RASA3: variants seen among roughly 807,000 people sequenced by gnomAD.
RASA3 encodes ras GTPase-activating protein 3.
In RASA3, 73 loss-of-function variants were observed where a neutral mutation model predicts 110.0. The ratio of observed to expected loss-of-function variants is 0.66; its 90% CI spans 0.55 to 0.81. RASA3 has a LOEUF of 0.81. Among genes scored for constraint, RASA3 ranks in the 30% least tolerant of loss-of-function variants. RASA3 has a pLI of 0.00. For synonymous variants in RASA3, 500 were observed against 451.4 expected, an observed-to-expected ratio of 1.11 and a Z score of -1.37; for missense variants, 976 against 1,113.2, an observed-to-expected ratio of 0.88 and a Z score of 1.75.
Position 114,111,025 on chromosome 13 carries a change from C to T in RASA3, c.55+21410G>A, listed in dbSNP as rs112348829. 9.5e-3 allele frequency among the ~76,000 whole-genome samples: 1,355 copies of T among 142,650 alleles called. 64 individuals are homozygous for T. The highest frequency in any genetic ancestry group is 0.049 in the Middle Eastern group (14 of 286). 93.6% of individuals were successfully genotyped at this position (142,650 alleles called of 152,430 possible). A position where few individuals can be genotyped will look rare whatever the true frequency, so the allele number is the denominator to read the frequency against. ...AAAAACCTAAAACTGCAACATGGAA[C>T]GGCACAAACGAGCTGCAGGCCGAGT... On this transcript the variant is annotated intron_variant, in intron 1 of 23. Coordinates refer to ENST00000334062, the MANE Select transcript of RASA3 (RefSeq NM_007368.4).
At chr13:114,016,357 G>T in intron 12 of RASA3, 86 bp from the exon 13 acceptor site, 1 of 1,018,904 alleles carries the variant, frequency 9.8e-7, no homozygotes. Context: ...GCCTGGCTGA[G>T]ATGTAGACCC....
chr13:114,027,256 GC>G (rs1163123113), intron 7 of RASA3, 132 bp downstream of exon 7: 35 of 806,344 alleles, frequency 4.3e-5, no homozygotes, highest in Non-Finnish European at 5.7e-5. Context: ...CCCAGGGCCG[GC>G]TGGCGGGGCT....
rs759570923 is a variant in RASA3, at chr13:113,979,004, C to T, written c.*343G>A. The T allele has an allele frequency of 5.8e-6, 2 of 342,618 alleles. No homozygotes were observed. Among genetic ancestry groups the T allele is most frequent in the Non-Finnish European group, 5.5e-6 (1 of 181,596 alleles). The allele number at this position is 342,618 out of a possible 1,614,324, so 21.2% of individuals were successfully genotyped here. On this transcript the variant is annotated 3_prime_UTR_variant, in exon 24 of 24. Coordinates refer to ENST00000334062, the MANE Select transcript of RASA3 (RefSeq NM_007368.4). Reference sequence around the variant, plus strand: ...CACGGCCGGAGGTGCATGTCACAGTCGACTAGACGGGCCGTGGCTCCCTGA... The same window carrying T: ...CACGGCCGGAGGTGCATGTCACAGTTGACTAGACGGGCCGTGGCTCCCTGA...
chr13:114,017,373 A>G (rs2053817672), intron 11 of RASA3, 22 bp from the exon 12 acceptor site: 2 of 1,593,036 alleles, frequency 1.3e-6, no homozygotes, highest in Non-Finnish European at 8.6e-7. Context: ...CGATGGGGAC[A>G]GCGTTTGTCT....
chr13:114,035,236 T>G (rs924490875), intron 4 of RASA3, among the ~76,000 whole-genome samples: 1 of 152,240 alleles, frequency 6.6e-6, no homozygotes, highest in Non-Finnish European at 1.5e-5. Context: ...CAAACCAGGC[T>G]ACTAAGAGCA....
intron 18 of RASA3, among the ~76,000 whole-genome samples, chr13:114,005,165 T>C (rs2053487039): frequency 6.6e-6 from 1 of 152,192 alleles, no homozygotes; most frequent in Non-Finnish European, 1.5e-5. Context: ...AATTACTCAG[T>C]GGGCACAAAG....
intron 1 of RASA3, among the ~76,000 whole-genome samples, chr13:114,099,462 G>C (rs566110505): frequency 1.3e-5 from 2 of 151,794 alleles, no homozygotes; most frequent in South Asian, 2.1e-4. Context: ...TGGATTCCCC[G>C]GGGTGTCCGG....
chr13:114,017,392 C>T (rs781206936), intron 11 of RASA3, 41 bp from the exon 12 acceptor site: 31 of 1,533,552 alleles, frequency 2.0e-5, no homozygotes, highest in South Asian at 1.2e-4. Context: ...CTCCTGGGGA[C>T]GCGGAAGTGC....
intron 1 of RASA3, among the ~76,000 whole-genome samples, chr13:114,130,784 C>A (rs1566594882): frequency 1.3e-5 from 2 of 152,220 alleles, no homozygotes; most frequent in Non-Finnish European, 2.9e-5. Context: ...CCTCTGCCTG[C>A]TGCCTGGAGA....
chr13:113,979,319 T>C lies in RASA3; in HGVS notation c.*28A>G. 6 of 1,544,852 alleles carry C rather than the reference T, an allele frequency of 3.9e-6. No homozygotes were observed. Among genetic ancestry groups the C allele is most frequent in the Non-Finnish European group, 5.4e-6 (6 of 1,117,400 alleles). ...CTGCGGCTTTGCATGGGCAGCTTGC[T>C]GGCGCCACTGGGCGCGTCCCGCAGA... On this transcript the variant is annotated 3_prime_UTR_variant, in exon 24 of 24. Transcript: ENST00000334062.
At chr13:114,013,437 ATCTC>A (rs567121523) in intron 14 of RASA3, among the ~76,000 whole-genome samples, 189 bp from the exon 15 acceptor site, 19,828 of 87,798 alleles carry the variant, frequency 0.23, 1,616 homozygotes, top group Middle Eastern at 0.37. Context: ...CTCTCTCTCC[ATCTC>A]TCTGTCTCTC....
At chr13:114,081,756 G>C (rs1351726573) in intron 1 of RASA3, among the ~76,000 whole-genome samples, 1 of 152,196 alleles carries the variant, frequency 6.6e-6, no homozygotes, top group Non-Finnish European at 1.5e-5. Context: ...GGAATAACGA[G>C]GAAAGAGAAG....
rs2052838489 is a variant in RASA3 at position 113,978,850 on chromosome 13, T to C, written c.*497A>G. The C allele has an allele frequency of 6.2e-6, 1 of 160,072 alleles. No homozygotes were observed. 9.9% of individuals were successfully genotyped at this position (160,072 alleles called of 1,614,324 possible). On this transcript the variant is annotated 3_prime_UTR_variant, in exon 24 of 24. Transcript: ENST00000334062. ...GGCAGGCACAGTGGGAGAGTAATGCTCTGAACCTCCCAATGTGATGAAGCC... is the reference window on the plus strand; with the variant it reads ...GGCAGGCACAGTGGGAGAGTAATGCCCTGAACCTCCCAATGTGATGAAGCC...
intron 2 of RASA3, among the ~76,000 whole-genome samples, chr13:114,059,585 GCCTGC>G (rs2079302997): frequency 2.0e-5 from 3 of 152,240 alleles, no homozygotes; most frequent in African/African-American, 7.2e-5. Context: ...CCACAGTGCA[GCCTGC>G]GGGCACAGAG....
rs117756189 is a variant in RASA3, at chr13:114,051,432, A to G, written c.277+620T>C. On this transcript the variant is annotated intron_variant, in intron 3 of 23. Coordinates refer to ENST00000334062, the MANE Select transcript of RASA3 (RefSeq NM_007368.4). ...GGGTCCTCTGGCTGCATTTAGGAAC[A>G]AGGAGCTCCCCGAGTAACCTGAAGT... 1.7e-3 allele frequency among the ~76,000 whole-genome samples: 259 copies of G among 152,328 alleles called. 3 individuals carry two copies. The highest frequency in any genetic ancestry group is 7.0e-3 in the Admixed American group (107 of 15,308).
intron 8 of RASA3, among the ~76,000 whole-genome samples, chr13:114,022,566 C>T (rs1404350168): frequency 6.6e-6 from 1 of 152,186 alleles, no homozygotes; most frequent in Admixed American, 6.5e-5. Context: ...CCTTGCGAAT[C>T]CTGCAGGGAA....
intron 2 of RASA3, among the ~76,000 whole-genome samples, chr13:114,066,978 CT>C (rs746890291): frequency 3.5e-5 from 5 of 144,612 alleles, no homozygotes; most frequent in Non-Finnish European, 6.1e-5. Flanking sequence ...ACAGGCCCCC[CT>C]ACCTGGGCTG....
chr13:113,994,844 C>A (rs537186092), intron 21 of RASA3, among the ~76,000 whole-genome samples: 2 of 152,206 alleles, frequency 1.3e-5, no homozygotes, highest in East Asian at 3.8e-4. Flanking sequence ...AATGGTGGAG[C>A]ACACCTGTAG....
chr13:114,004,583 C>A (rs1024862132), intron 18 of RASA3, among the ~76,000 whole-genome samples: 2 of 152,104 alleles, frequency 1.3e-5, no homozygotes, highest in African/African-American at 4.8e-5. Flanking sequence ...AATGGAGCCG[C>A]CTGAACCCAG....
Sources: gnomAD v4.1 joint callset for allele counts (sites outside exome capture counted in the v4.1 genomes callset) on GRCh38, gnomAD v4.1.1 for gene constraint, MANE v1.5 for transcripts, NCBI Gene and HGNC (gene_info 2026-07-23, HGNC 2026-07-21) for gene names.